Variants in MTCL1 observed in about 807,000 individuals in gnomAD.
The protein encoded by MTCL1 is microtubule cross-linking factor 1.
In MTCL1, 79 loss-of-function variants were observed where a neutral mutation model predicts 141.4. The ratio of observed to expected loss-of-function variants is 0.56; its 90% CI spans 0.47 to 0.67. MTCL1 has a LOEUF of 0.67. Among genes scored for constraint, MTCL1 ranks in the 30% least tolerant of loss-of-function variants. The pLI is 0.00. For synonymous variants in MTCL1, 914 were observed against 875.8 expected, an observed-to-expected ratio of 1.04 and a Z score of -0.77; for missense variants, 2,177 against 2,113.9, an observed-to-expected ratio of 1.03 and a Z score of -0.59.
chr18:8,763,383 G>A (rs2096443037), intron 4 of MTCL1, among the ~76,000 whole-genome samples: 1 of 152,238 alleles, frequency 6.6e-6, no homozygotes. Flanking sequence ...CCACAGAACA[G>A]AATCTAAGTC....
chr18:8,712,391 G>T (rs2096098613), upstream of MTCL1, among the ~76,000 whole-genome samples: 1 of 152,120 alleles, frequency 6.6e-6, no homozygotes, highest in Non-Finnish European at 1.5e-5. Flanking sequence ...GCCCTGACCT[G>T]GTTTTTGACA....
chr18:8,729,596 G>A (rs1051408154), intron 4 of MTCL1, among the ~76,000 whole-genome samples: 1 of 150,274 alleles, frequency 6.7e-6, no homozygotes, highest in African/African-American at 2.4e-5. Flanking sequence ...GTAGAGATGA[G>A]GTCTCACAGT....
At chr18:8,731,004 G>A (rs564395823) in intron 4 of MTCL1, among the ~76,000 whole-genome samples, 5 of 152,254 alleles carry the variant, frequency 3.3e-5, no homozygotes, top group African/African-American at 7.2e-5. Context: ...CAGCACTTTG[G>A]GGAGGCCGAG....
exon 4 of MTCL1, chr18:8,720,420 A>G: frequency 6.2e-6 from 10 of 1,614,172 alleles, no homozygotes; most frequent in Non-Finnish European, 8.5e-6. Flanking sequence ...GATGAAAACG[A>G]AACTCTCCGA....
At chr18:8,820,453 TCAA>T (rs1342579170) in intron 13 of MTCL1, among the ~76,000 whole-genome samples, 1 of 152,200 alleles carries the variant, frequency 6.6e-6, no homozygotes, top group Non-Finnish European at 1.5e-5. Context: ...GTGAAGCAGT[TCAA>T]CAGTTGCTGC....
chr18:8,788,450 G>T (rs2075599646), intron 7 of MTCL1, among the ~76,000 whole-genome samples: 1 of 152,146 alleles, frequency 6.6e-6, no homozygotes, highest in South Asian at 2.1e-4. Context: ...TCCTCAAGCT[G>T]CACTTACAAA....
intron 4 of MTCL1, among the ~76,000 whole-genome samples, chr18:8,731,877 T>A (rs2096252417): frequency 1.3e-5 from 2 of 151,766 alleles, no homozygotes; most frequent in Non-Finnish European, 2.9e-5. Flanking sequence ...CCTGGCTAAT[T>A]TTTGTATTTT....
At chr18:8,764,810 A>AT (rs2096451978) in intron 4 of MTCL1, among the ~76,000 whole-genome samples, 1 of 152,238 alleles carries the variant, frequency 6.6e-6, no homozygotes, top group South Asian at 2.1e-4. Context: ...AGTAAAGTGC[A>AT]TTATCCAATG....
intron 7 of MTCL1, 28 bp downstream of exon 6, chr18:8,786,119 C>CCCCCCCCA: frequency 2.8e-6 from 4 of 1,428,824 alleles, no homozygotes; most frequent in South Asian, 1.3e-5. Flanking sequence ...ATCCCCCCCC[C>CCCCCCCCA]CCGCCCTCCC....
At chr18:8,762,335 A>G (rs1394894341) in intron 4 of MTCL1, among the ~76,000 whole-genome samples, 4 of 152,248 alleles carry the variant, frequency 2.6e-5, no homozygotes, top group Non-Finnish European at 4.4e-5. Flanking sequence ...GTGAATGTGC[A>G]CAATACAGAA....
intron 4 of MTCL1, among the ~76,000 whole-genome samples, chr18:8,722,029 C>T (rs2096176630): frequency 6.6e-6 from 1 of 152,166 alleles, no homozygotes; most frequent in South Asian, 2.1e-4. Flanking sequence ...GTAACCCTCA[C>T]CCCTTAACTT....
At chr18:8,821,274 G>A (rs2076837572) in intron 13 of MTCL1, among the ~76,000 whole-genome samples, 193 bp from the exon 13 acceptor site, 2 of 152,194 alleles carry the variant, frequency 1.3e-5, no homozygotes, top group African/African-American at 4.8e-5. Context: ...CCCTCATCAT[G>A]CTGTGGACTC....
chr18:8,751,630 G>C (rs1214251322), intron 4 of MTCL1, among the ~76,000 whole-genome samples: 1 of 152,218 alleles, frequency 6.6e-6, no homozygotes, highest in African/African-American at 2.4e-5. Flanking sequence ...AATCCGAGGT[G>C]AATTTTCTCA....
chr18:8,825,882 G>C (rs777936876), exon 15 of MTCL1: 3 of 1,613,858 alleles, frequency 1.9e-6, no homozygotes, highest in Admixed American at 1.7e-5. Flanking sequence ...CGTGGTGCAG[G>C]ACCCCTTCCA....
chr18:8,796,666 C>T (rs921366020), intron 9 of MTCL1, among the ~76,000 whole-genome samples: 6 of 152,142 alleles, frequency 3.9e-5, no homozygotes, highest in Non-Finnish European at 7.4e-5. Flanking sequence ...GTGACTGAAA[C>T]ATCAATCATT....
intron 4 of MTCL1, among the ~76,000 whole-genome samples, chr18:8,723,951 A>G (rs559538051): frequency 6.5e-5 from 8 of 123,530 alleles, no homozygotes; most frequent in African/African-American, 2.4e-4. Flanking sequence ...AAATTCATAT[A>G]GACGGAAAAC....
At chr18:8,749,049 AC>A (rs2096356806) in intron 4 of MTCL1, among the ~76,000 whole-genome samples, 2 of 151,964 alleles carry the variant, frequency 1.3e-5, no homozygotes, top group Admixed American at 6.6e-5. Flanking sequence ...ATAAATGGAG[AC>A]CCTGGACTTG....
At chr18:8,711,300 T>A (rs1368791042) in intron 1 of MTCL1, among the ~76,000 whole-genome samples, 1 of 146,428 alleles carries the variant, frequency 6.8e-6, no homozygotes, top group Admixed American at 6.9e-5. Context: ...TGTTGGACAT[T>A]TGGGTTGGTT....
chr18:8,766,206 A>G (rs779692609), intron 4 of MTCL1, among the ~76,000 whole-genome samples: 2 of 152,238 alleles, frequency 1.3e-5, no homozygotes, highest in Admixed American at 1.3e-4. Context: ...GTGGTTAATG[A>G]GCACTCCAGG....
Sources: gnomAD v4.1 joint callset for allele counts (sites outside exome capture counted in the v4.1 genomes callset) on GRCh38, gnomAD v4.1.1 for gene constraint, MANE v1.5 for transcripts, NCBI Gene and HGNC (gene_info 2026-07-23, HGNC 2026-07-21) for gene names.